Variants in RFX1 observed in about 807,000 individuals in gnomAD.
The protein encoded by RFX1 is MHC class II regulatory factor RFX1.
In RFX1, 42 loss-of-function variants were observed where a neutral mutation model predicts 119.6. The ratio of observed to expected loss-of-function variants is 0.35; its 90% CI spans 0.27 to 0.45. The LOEUF (loss-of-function observed/expected upper bound fraction) is 0.45, where lower values mean the gene tolerates loss of function less well. Among genes scored for constraint, RFX1 ranks in the 20% least tolerant of loss-of-function variants. RFX1 has a pLI of 1.00. For missense variants in RFX1, 1,118 were observed against 1,368.1 expected (o/e 0.82, Z 2.88); for synonymous variants, 628 against 618.5 (o/e 1.02, Z -0.23).
At chr19:13,978,213 G>T in intron 7 of RFX1, 127 bp from the exon 8 acceptor site, 2 of 638,858 alleles carry the variant, frequency 3.1e-6, no homozygotes, top group Non-Finnish European at 2.7e-6. Context: ...GTGGCTTCTG[G>T]ACTCTCAACA....
In RFX1 at chr19:13,961,627, C is replaced by T. The variant is rs1023601000; in HGVS notation, c.*1068G>A. 1 of 152,692 alleles carries T rather than the reference C, an allele frequency of 6.5e-6. No individual in the cohort carries two copies. The highest frequency in any genetic ancestry group is 2.4e-5 in the African/African-American group (1 of 41,326). The allele number at this position is 152,692 out of a possible 1,614,324, so 9.5% of individuals were successfully genotyped here. ...AGACTACCACACGTGTGGACACTTTCACCACCGGGAGAGGGAGCCCCGTGG... is the reference window on the plus strand; with the variant it reads ...AGACTACCACACGTGTGGACACTTTTACCACCGGGAGAGGGAGCCCCGTGG... On this transcript the variant is annotated 3_prime_UTR_variant, in exon 21 of 21. Transcript: ENST00000254325.
chr19:13,977,907 TG>T, intron 8 of RFX1, 84 bp downstream of exon 8: 1 of 1,059,070 alleles, frequency 9.4e-7, no homozygotes, highest in Non-Finnish European at 1.4e-6. Flanking sequence ...TGCTGGGGGC[TG>T]GGACTGGGGA....
chr19:13,971,998 C>G (rs1022484008), intron 9 of RFX1, among the ~76,000 whole-genome samples: 9 of 152,030 alleles, frequency 5.9e-5, no homozygotes, highest in Admixed American at 1.3e-4. Flanking sequence ...GAGCAAGACT[C>G]CGTCTTAAAC....
At position 13,966,716 on chromosome 19, in the gene RFX1, C is replaced by T. The variant is rs151266260; in HGVS notation, c.1768G>A (p.Asp590Asn). ...SRSLPDFTEL[D>N]LQGKVLPEGV... ...TCAGGCAGCACCTTGCCCTGGAGGTCGAGCTCTGTGAAGTCAGGGAGGCTC... is the reference window on the plus strand; with the variant it reads ...TCAGGCAGCACCTTGCCCTGGAGGTTGAGCTCTGTGAAGTCAGGGAGGCTC... Residue 590 changes from aspartate to asparagine, a missense_variant, in exon 13 of 21, where the codon GAC (aspartate) becomes AAC (asparagine). Transcript: ENST00000254325. This position sits in a 1 kb window ranked among gnomAD's most constrained non-coding sequence, Gnocchi z 6.3. The T allele has an allele frequency of 1.5e-3, 2,365 of 1,610,858 alleles. 2 individuals are homozygous for T. The highest frequency in any genetic ancestry group is 1.9e-3 in the Non-Finnish European group (2,182 of 1,178,884).
chr19:13,975,934 C>T (rs933644915), intron 8 of RFX1, among the ~76,000 whole-genome samples: 1 of 152,198 alleles, frequency 6.6e-6, no homozygotes, highest in Non-Finnish European at 1.5e-5. Context: ...CAGAAAAACC[C>T]GATAGCAACG....
At chr19:13,979,393 C>T in intron 7 of RFX1, 54 bp downstream of exon 7, 1 of 1,335,208 alleles carries the variant, frequency 7.5e-7, no homozygotes, top group Non-Finnish European at 1.0e-6. Context: ...CACTCCCCAG[C>T]CCCAGCCCGG....
In RFX1 at chr19:13,962,658, G is replaced by GGGTGGC; in HGVS notation, c.*31_*36dup. The GGGTGGC allele has an allele frequency of 3.4e-6, 5 of 1,473,122 alleles. No homozygotes were observed. In the South Asian group the frequency reaches 6.6e-5, roughly 19 times the overall value. The allele number at this position is 1,473,122 out of a possible 1,614,324, so 91.3% of individuals were successfully genotyped here. On this transcript the variant is annotated 3_prime_UTR_variant, in exon 21 of 21. Transcript: ENST00000254325. The stretch of plus-strand genomic sequence containing the variant: ...AGCTTTGAGGGACCCTGGCGTGGAG[G>GGGTGGC]GGTGGCGGGGGCGGGTGGGGCGGGG...
chr19:13,979,607 T>C (rs1360259412), intron 6 of RFX1, 65 bp from the exon 7 acceptor site: 4 of 1,155,038 alleles, frequency 3.5e-6, no homozygotes, highest in South Asian at 1.5e-5. Context: ...ACCCAGCCCC[T>C]GCACAGGTGA....
intron 12 of RFX1, among the ~76,000 whole-genome samples, chr19:13,967,069 C>A (rs1457927396): frequency 6.6e-6 from 1 of 152,212 alleles, no homozygotes; most frequent in Non-Finnish European, 1.5e-5. Flanking sequence ...TGGGTAGGCA[C>A]CCAGGGCACA....
chr19:13,989,074 G>A (rs1974712058), intron 2 of RFX1, among the ~76,000 whole-genome samples: 1 of 152,132 alleles, frequency 6.6e-6, no homozygotes. Flanking sequence ...GGGGCAGGGA[G>A]GTGTGGAGTC....
chr19:13,980,692 G>A lies in RFX1; in HGVS notation c.622-3C>T, dbSNP rs775624571. The A allele has an allele frequency of 3.7e-5, 50 of 1,346,402 alleles. No individual in the cohort carries two copies. Among genetic ancestry groups the A allele is most frequent in the Non-Finnish European group, 6.0e-6 (6 of 1,005,336 alleles). 83.4% of individuals were successfully genotyped at this position (1,346,402 alleles called of 1,614,324 possible). ...CTGTTGGCCTGCACCGGCGACTGCT[G>A]TAAGGGAAGGAGACACAGGAGTGCC... On this transcript the variant is annotated splice_polypyrimidine_tract_variant and splice_region_variant and intron_variant, in intron 5 of 20. Coordinates refer to ENST00000254325, the MANE Select transcript of RFX1 (RefSeq NM_002918.5). The surrounding 1 kb of genome is among the most constrained non-coding windows in gnomAD (Gnocchi z 5.1).
upstream of RFX1, chr19:14,006,756 A>G (rs960166417): frequency 6.6e-6 from 1 of 152,218 alleles, no homozygotes. Context: ...TTACCAAATT[A>G]AAAAGGCGAG....
intron 1 of RFX1, among the ~76,000 whole-genome samples, chr19:14,003,439 C>T (rs1416990608): frequency 6.7e-6 from 1 of 148,772 alleles, no homozygotes; most frequent in Non-Finnish European, 1.5e-5. Flanking sequence ...AAGCGAGAAG[C>T]AAGTCAACCT....
chr19:13,972,133 T>C (rs1004007849), intron 9 of RFX1, among the ~76,000 whole-genome samples: 6 of 145,648 alleles, frequency 4.1e-5, no homozygotes, highest in Non-Finnish European at 8.9e-5. Context: ...TACAGCACTG[T>C]GCTTCAGCCT....
chr19:13,963,230 G>A lies in RFX1; in HGVS notation c.2616C>T (p.Phe872=). The A allele has an allele frequency of 8.7e-6, 14 of 1,612,488 alleles. No homozygotes were observed. The highest frequency in any genetic ancestry group is 1.1e-5 in the Non-Finnish European group (13 of 1,179,478). Residue 872 remains phenylalanine, a synonymous_variant, in exon 19 of 21, where the codon TTC becomes TTT. Coordinates refer to ENST00000254325, the MANE Select transcript of RFX1 (RefSeq NM_002918.5). ...RDLTLRSAAS[F]GSFHLIRLLY... ...GCAGCCGGATGAGGTGGAAGGAACC[G>A]AAGCTGGCGGCGCTGCGCAGGGTCA...
At chr19:13,997,889 G>A (rs1975089052) in intron 1 of RFX1, among the ~76,000 whole-genome samples, 1 of 152,130 alleles carries the variant, frequency 6.6e-6, no homozygotes. Flanking sequence ...GGAAAAGGCT[G>A]CTGCCTGCCT....
At chr19:13,971,707 C>T (rs886494679) in intron 9 of RFX1, among the ~76,000 whole-genome samples, 7 of 151,798 alleles carry the variant, frequency 4.6e-5, no homozygotes, top group Non-Finnish European at 1.0e-4. Context: ...CCTGTCTCTA[C>T]AAAAAAAATT....
rs1222010046 is a variant in RFX1, at chr19:13,972,859, T to C, written c.1198A>G (p.Ser400Gly). 6.4e-7 allele frequency: 1 copy of C among 1,564,896 alleles called. No homozygotes were observed. The highest frequency in any genetic ancestry group is 1.8e-5 in the Admixed American group (1 of 54,316). Reference sequence around the variant, plus strand: ...CTGCCGCCGCCTCCGGTGCTGCCACTGCCACCCCCGCCACCGCCTCCCCCG... The same window carrying C: ...CTGCCGCCGCCTCCGGTGCTGCCACCGCCACCCCCGCCACCGCCTCCCCCG... ...GGGGGGGGGG[S>G]GSTGGGGSGA... Residue 400 changes from serine (S) to glycine (G), a missense_variant, in exon 9 of 21, where the codon AGT (serine) becomes GGT (glycine). By Grantham distance (56) the Ser-to-Gly change is moderately conservative. Around this residue, in one of 5 missense-constraint regions of RFX1, gnomAD observed 542 missense variants for 602.7 expected, o/e 0.90. Transcript: ENST00000254325.
Position 13,980,516 on chromosome 19 carries a change from C to T in RFX1, c.738+57G>A. ...CCAGAGGCACAGCCGTGGGGGGCTG[C>T]AGAGGCTGCCTGGCCGGTACCCCTG... is the stretch of plus-strand genomic sequence containing the variant. On this transcript the variant is annotated intron_variant, in intron 6 of 20. Transcript: ENST00000254325. The surrounding 1 kb of genome is among the most constrained non-coding windows in gnomAD (Gnocchi z 5.1). 1 of 1,148,392 alleles carries T rather than the reference C, an allele frequency of 8.7e-7. No homozygotes were observed. Among genetic ancestry groups the T allele is most frequent in the Non-Finnish European group, 1.2e-6 (1 of 803,862 alleles). 71.1% of individuals were successfully genotyped at this position (1,148,392 alleles called of 1,614,324 possible). A position where few individuals can be genotyped will look rare whatever the true frequency, so the allele number is the denominator to read the frequency against.
Sources: gnomAD v4.1 joint callset for allele counts (sites outside exome capture counted in the v4.1 genomes callset) on GRCh38, gnomAD v4.1.1 for gene constraint, gnomAD v4.1.1 regional missense constraint, Gnocchi (gnomAD v3.1) non-coding constraint, MANE v1.5 for transcripts, NCBI Gene and HGNC (gene_info 2026-07-23, HGNC 2026-07-21) for gene names.